The following CSMD1 variants were observed in gnomAD, a reference collection of about 807,000 sequenced individuals.
CSMD1 encodes CUB and sushi domain-containing protein 1.
In CSMD1, 213 loss-of-function variants were observed where a neutral mutation model predicts 417.5. The ratio of observed to expected loss-of-function variants is 0.51; its 90% CI spans 0.46 to 0.57. The LOEUF (loss-of-function observed/expected upper bound fraction) is 0.57, where lower values mean the gene tolerates loss of function less well. Ranked by LOEUF, CSMD1 falls within the 20% of genes least tolerant of loss-of-function variation. The pLI is 0.00. For synonymous variants in CSMD1, 2,862 were observed against 1,736.8 expected, an observed-to-expected ratio of 1.65 and a Z score of -16.11; for missense variants, 6,923 against 4,529.7, an observed-to-expected ratio of 1.53 and a Z score of -15.17.
At chr8:3,786,212 G>A (rs775654635) in intron 5 of CSMD1, among the ~76,000 whole-genome samples, 3 of 152,114 alleles carry the variant, frequency 2.0e-5, no homozygotes, top group Admixed American at 6.5e-5. Flanking sequence ...TTTTGGGCAC[G>A]TTGGGATCAA....
At chr8:3,918,332 G>A (rs1808973779) in intron 5 of CSMD1, among the ~76,000 whole-genome samples, 1 of 151,968 alleles carries the variant, frequency 6.6e-6, no homozygotes, top group African/African-American at 2.4e-5. Flanking sequence ...AGTGTACAGA[G>A]TTCCTTACTC....
intron 1 of CSMD1, among the ~76,000 whole-genome samples, chr8:4,880,233 G>A (rs1375175928): frequency 6.6e-6 from 1 of 151,968 alleles, no homozygotes; most frequent in African/African-American, 2.4e-5. Context: ...TCGGAGATAC[G>A]CATTCAGTGA....
At chr8:4,616,439 C>G (rs1429142510) in intron 2 of CSMD1, among the ~76,000 whole-genome samples, 2 of 152,162 alleles carry the variant, frequency 1.3e-5, no homozygotes, top group East Asian at 1.9e-4. Context: ...GCTATTTAGT[C>G]TGTAAGAGTA....
chr8:3,115,091 T>C (rs1018342244), intron 42 of CSMD1, among the ~76,000 whole-genome samples: 4 of 152,124 alleles, frequency 2.6e-5, no homozygotes, highest in Non-Finnish European at 5.9e-5. Context: ...ATATTTTAAA[T>C]TGTTGAACTA....
intron 12 of CSMD1, among the ~76,000 whole-genome samples, chr8:3,428,702 G>A (rs1263103752): frequency 2.0e-5 from 3 of 152,026 alleles, no homozygotes. Flanking sequence ...CCTACTAGTG[G>A]GCATATACCC....
chr8:3,742,816 C>CAT (rs1796879238), intron 6 of CSMD1, among the ~76,000 whole-genome samples: 1 of 152,194 alleles, frequency 6.6e-6, no homozygotes, highest in African/African-American at 2.4e-5. Context: ...GAGAACTCCT[C>CAT]ATATAAGGAG....
At chr8:3,899,047 C>T (rs531139759) in intron 5 of CSMD1, among the ~76,000 whole-genome samples, 237 of 152,210 alleles carry the variant, frequency 1.6e-3, no homozygotes, top group African/African-American at 5.5e-3. Context: ...GAAAAGAAAA[C>T]AATTGAGGTC....
At chr8:3,744,988 A>T (rs907818179) in intron 6 of CSMD1, among the ~76,000 whole-genome samples, 2 of 152,178 alleles carry the variant, frequency 1.3e-5, no homozygotes, top group African/African-American at 4.8e-5. Flanking sequence ...AGCCTAGAGT[A>T]GCTGGGGCTG....
chr8:3,056,099 T>G (rs976175728), intron 49 of CSMD1, among the ~76,000 whole-genome samples: 1 of 152,216 alleles, frequency 6.6e-6, no homozygotes, highest in Admixed American at 6.5e-5. Flanking sequence ...TATTTGCAAA[T>G]AAAAATATTA....
At chr8:4,690,795 C>A (rs1383100884) in intron 1 of CSMD1, among the ~76,000 whole-genome samples, 2 of 152,156 alleles carry the variant, frequency 1.3e-5, no homozygotes, top group African/African-American at 4.8e-5. Context: ...CTGGTGCGAT[C>A]TCGGCTCACT....
chr8:4,808,900 A>C (rs1183883031), intron 1 of CSMD1, among the ~76,000 whole-genome samples: 1 of 152,228 alleles, frequency 6.6e-6, no homozygotes, highest in Non-Finnish European at 1.5e-5. Flanking sequence ...CTATGTTTAC[A>C]AAAAACTGAG....
intron 1 of CSMD1, among the ~76,000 whole-genome samples, chr8:4,650,173 G>A (rs551939909): frequency 5.7e-4 from 86 of 151,784 alleles, no homozygotes; most frequent in Non-Finnish European, 1.1e-3. Flanking sequence ...GTGAAACCCC[G>A]TCTCTAATAA....
chr8:3,894,213 A>T (rs895861105), intron 5 of CSMD1, among the ~76,000 whole-genome samples: 4 of 152,170 alleles, frequency 2.6e-5, no homozygotes, highest in African/African-American at 9.7e-5. Context: ...AACCCAGAAG[A>T]CAAGAACGCA....
intron 1 of CSMD1, among the ~76,000 whole-genome samples, chr8:4,893,253 T>G (rs1443632262): frequency 6.6e-6 from 1 of 152,146 alleles, no homozygotes; most frequent in African/African-American, 2.4e-5. Flanking sequence ...ACTTAATATT[T>G]TTCCAATGTT....
At chr8:4,689,920 C>T (rs970928364) in intron 1 of CSMD1, among the ~76,000 whole-genome samples, 1 of 152,238 alleles carries the variant, frequency 6.6e-6, no homozygotes, top group African/African-American at 2.4e-5. Flanking sequence ...TAATACACAG[C>T]TACAAATGTT....
intron 7 of CSMD1, among the ~76,000 whole-genome samples, chr8:3,667,571 G>C (rs1428108048): frequency 6.6e-6 from 1 of 152,128 alleles, no homozygotes; most frequent in Non-Finnish European, 1.5e-5. Flanking sequence ...GAAAGTCCTT[G>C]GAGACAACAT....
chr8:4,717,181 G>A (rs897809731), intron 1 of CSMD1, among the ~76,000 whole-genome samples: 7 of 151,652 alleles, frequency 4.6e-5, no homozygotes, highest in Middle Eastern at 3.4e-3. Context: ...GGAGTCAGGA[G>A]AAAAATTTGA....
At chr8:4,673,197 A>C (rs1805439044) in intron 1 of CSMD1, among the ~76,000 whole-genome samples, 1 of 152,244 alleles carries the variant, frequency 6.6e-6, no homozygotes, top group African/African-American at 2.4e-5. Context: ...GACATTTATC[A>C]GGTACAATGT....
chr8:4,041,529 T>G (rs1797894788), intron 3 of CSMD1, among the ~76,000 whole-genome samples: 1 of 152,136 alleles, frequency 6.6e-6, no homozygotes, highest in Admixed American at 6.6e-5. Flanking sequence ...TGTTCAAGAA[T>G]ATTTATGGGA....
Sources: allele counts gnomAD v4.1 joint callset (sites outside exome capture counted in the v4.1 genomes callset), GRCh38; gene constraint gnomAD v4.1.1; transcripts MANE v1.5; gene names NCBI Gene and HGNC (gene_info 2026-07-23, HGNC 2026-07-21).